CTU2: variants seen among roughly 807,000 people sequenced by gnomAD.
The protein encoded by CTU2 is cytoplasmic tRNA 2-thiolation protein 2.
Under a neutral mutation model 64.1 loss-of-function variants are expected in CTU2, and 80 were observed. The observed-to-expected ratio is 1.25, with a 90% confidence interval of 1.04 to 1.50. The LOEUF (loss-of-function observed/expected upper bound fraction) is 1.50, where lower values mean the gene tolerates loss of function less well. Ranked by LOEUF, CTU2 falls within the 40% of genes most tolerant of loss-of-function variation. CTU2 has a pLI of 0.00. For synonymous variants in CTU2, 482 were observed against 285.3 expected, an observed-to-expected ratio of 1.69 and a Z score of -6.95; for missense variants, 1,110 against 690.2, an observed-to-expected ratio of 1.61 and a Z score of -6.81.
At position 88,713,719 on chromosome 16, in the gene CTU2, G is replaced by T; in HGVS notation, c.946G>T (p.Ala316Ser). The T allele has an allele frequency of 2.5e-6, 4 of 1,612,674 alleles. No individual in the cohort carries two copies. The highest frequency in any genetic ancestry group is 3.4e-6 in the Non-Finnish European group (4 of 1,179,882). The change falls in exon 9 of 15, where the codon GCT (alanine) becomes TCT (serine). Residue 316 changes from alanine to serine, a missense_variant. By Grantham distance (99) the Ala-to-Ser change is moderately conservative. Coordinates refer to ENST00000453996, the MANE Select transcript of CTU2 (RefSeq NM_001012759.3). ...GCGGGACCACACCCTGAAGGAGGTC[G>T]CTTTCTACAACCGCCTGTTCTCCGT... Reference protein sequence around the residue: ...PMRDHTLKEVAFYNRLFSVPS... With the variant: ...PMRDHTLKEVSFYNRLFSVPS...
Position 88,715,301 on chromosome 16 carries a change from C to G in CTU2, c.*50C>G, listed in dbSNP as rs749871444. On this transcript the variant is annotated 3_prime_UTR_variant, in exon 15 of 15. Coordinates refer to ENST00000453996, the MANE Select transcript of CTU2 (RefSeq NM_001012759.3). ...AGCAGGCAGTGGCCACCTGGTACACCACACTGGAGCCGGAAGGCAAGGACG... is the reference window on the plus strand; with the variant it reads ...AGCAGGCAGTGGCCACCTGGTACACGACACTGGAGCCGGAAGGCAAGGACG... 1.3e-6 allele frequency: 2 copies of G among 1,581,076 alleles called. No homozygotes were observed. Among genetic ancestry groups the G allele is most frequent in the Non-Finnish European group, 1.7e-6 (2 of 1,161,662 alleles).
At chr16:88,713,510 C>T (rs1249824508) in intron 8 of CTU2, 63 bp downstream of exon 8, 5 of 1,542,842 alleles carry the variant, frequency 3.2e-6, no homozygotes, top group East Asian at 2.3e-5. Flanking sequence ...GCCACCTTTA[C>T]TGGAGAGTAG....
At position 88,706,612 on chromosome 16, in the gene CTU2, G is replaced by A. The variant is rs1189797880; in HGVS notation, c.68+14G>A. ...GCCGCGGCCCAGGTAAGAGCTGGCG[G>A]CCGGACCCGCCAGGCCGCCCCTCGC... On this transcript the variant is annotated intron_variant, in intron 1 of 14. Transcript: ENST00000453996. 1.4e-6 allele frequency: 2 copies of A among 1,398,454 alleles called. No homozygotes were observed. Among genetic ancestry groups the A allele is most frequent in the Non-Finnish European group, 1.8e-6 (2 of 1,083,914 alleles). The allele number at this position is 1,398,454 out of a possible 1,614,324, so 86.6% of individuals were successfully genotyped here.
intron 2 of CTU2, 27 bp downstream of exon 2, chr16:88,707,237 T>C: frequency 1.2e-6 from 2 of 1,603,386 alleles, no homozygotes; most frequent in South Asian, 2.2e-5. Flanking sequence ...GCTGAGACCC[T>C]GGCAAACATG....
At chr16:88,707,260 G>A (rs1910945620) in intron 2 of CTU2, 50 bp downstream of exon 2, 1 of 1,537,782 alleles carries the variant, frequency 6.5e-7, no homozygotes, top group Non-Finnish European at 9.0e-7. Context: ...CTCGCTAGCA[G>A]ACAGGATAGC....
At chr16:88,708,796 G>A (rs1300837872) in intron 2 of CTU2, among the ~76,000 whole-genome samples, 1 of 152,118 alleles carries the variant, frequency 6.6e-6, no homozygotes, top group South Asian at 2.1e-4. Context: ...GGCATTGTCC[G>A]CTCTGTACCG....
In CTU2 at chr16:88,711,543, T is replaced by C. The variant is rs1049518429; in HGVS notation, c.283-92T>C. On this transcript the variant is annotated intron_variant, in intron 4 of 14. Coordinates refer to ENST00000453996, the MANE Select transcript of CTU2 (RefSeq NM_001012759.3). Reference sequence around the variant, plus strand: ...GGGAAGACCACTTCACCTTCCAAGATGGCATTAAATCCAGATGAAGAATGT... The same window carrying C: ...GGGAAGACCACTTCACCTTCCAAGACGGCATTAAATCCAGATGAAGAATGT... 8 of 1,257,994 alleles carry C rather than the reference T, an allele frequency of 6.4e-6. No homozygotes were observed. In the Admixed American group the frequency reaches 6.8e-5, roughly 11 times the overall value. The allele number at this position is 1,257,994 out of a possible 1,614,324, so 77.9% of individuals were successfully genotyped here.
At position 88,713,702 on chromosome 16, in the gene CTU2, A is replaced by T; in HGVS notation, c.929A>T (p.His310Leu). ...GTGGTGGTGCGGCCCATGCGGGACCACACCCTGAAGGAGGTCGCTTTCTAC... is the reference window on the plus strand; with the variant it reads ...GTGGTGGTGCGGCCCATGCGGGACCTCACCCTGAAGGAGGTCGCTTTCTAC... ...DVVVVRPMRD[H>L]TLKEVAFYNR... Residue 310 changes from histidine (H) to leucine (L), a missense_variant, in exon 9 of 15, where the codon CAC (histidine) becomes CTC (leucine). Coordinates refer to ENST00000453996, the MANE Select transcript of CTU2 (RefSeq NM_001012759.3). The T allele has an allele frequency of 6.2e-7, 1 of 1,612,620 alleles. No individual in the cohort carries two copies. The highest frequency in any genetic ancestry group is 8.5e-7 in the Non-Finnish European group (1 of 1,179,892).
At chr16:88,709,183 G>A (rs1911128258) in intron 2 of CTU2, 1 of 152,286 alleles carries the variant, frequency 6.6e-6, no homozygotes, top group Non-Finnish European at 1.5e-5. Context: ...CTGGGTGGCT[G>A]AGGCAGAAGG....
chr16:88,712,567 T>TG (rs1911419011), intron 6 of CTU2, 55 bp from the exon 7 acceptor site: 11 of 1,579,326 alleles, frequency 7.0e-6, no homozygotes, highest in Non-Finnish European at 8.6e-6. Flanking sequence ...GGGCTGTCTG[T>TG]GGGGGGCACC....
intron 7 of CTU2, 28 bp from the exon 8 acceptor site, chr16:88,713,284 C>T (rs749868980): frequency 1.3e-5 from 21 of 1,580,602 alleles, no homozygotes; most frequent in Admixed American, 1.8e-5. Flanking sequence ...CTGCACCCCC[C>T]AGGCCCCTGA....
At chr16:88,713,870 C>T in intron 9 of CTU2, 92 bp downstream of exon 9, 5 of 1,524,924 alleles carry the variant, frequency 3.3e-6, no homozygotes, top group South Asian at 1.2e-5. Context: ...AGGTCACCAG[C>T]ACACCTTCAG....
Position 88,714,669 on chromosome 16 carries a change from A to G in CTU2, c.1284A>G (p.Thr428=), listed in dbSNP as rs764499684. The G allele has an allele frequency of 1.2e-6, 2 of 1,611,686 alleles. No homozygotes were observed. Among genetic ancestry groups the G allele is most frequent in the Non-Finnish European group, 8.5e-7 (1 of 1,179,640 alleles). ...QSPIPLTETR[T]PPGPCCSPGV... ...CCATCCCCCTGACTGAGACCCGGAC[A>G]CCCCCGGGGCCCTGCTGTTCTCCAG... is the stretch of plus-strand genomic sequence containing the variant. Residue 428 remains threonine (T), a synonymous_variant, in exon 12 of 15, where the codon ACA becomes ACG. Coordinates refer to ENST00000453996, the MANE Select transcript of CTU2 (RefSeq NM_001012759.3).
intron 2 of CTU2, 121 bp downstream of exon 2, chr16:88,707,331 C>T: frequency 1.1e-6 from 1 of 922,996 alleles, no homozygotes. Flanking sequence ...ATTCCTGCTC[C>T]TGATGGGGTC....
chr16:88,707,311 T>A (rs1910950137), intron 2 of CTU2, 101 bp downstream of exon 2: 1 of 1,109,526 alleles, frequency 9.0e-7, no homozygotes, highest in Non-Finnish European at 1.4e-6. Context: ...TAAAAACATG[T>A]ACTTACTTTA....
At chr16:88,714,971 G>A in intron 13 of CTU2, 45 bp downstream of exon 13, 1 of 1,589,120 alleles carries the variant, frequency 6.3e-7, no homozygotes, top group East Asian at 2.4e-5. Context: ...GGGGACGCGG[G>A]AAGGCCGTCA....
chr16:88,709,296 C>T (rs546861002), intron 2 of CTU2: 7 of 152,486 alleles, frequency 4.6e-5, no homozygotes, highest in African/African-American at 1.7e-4. Context: ...AAATGCAGTT[C>T]CCAGGCCTGG....
intron 5 of CTU2, chr16:88,711,979 G>T (rs1567648335): frequency 3.3e-6 from 2 of 611,646 alleles, no homozygotes; most frequent in Admixed American, 2.8e-5. Flanking sequence ...CCATCACGGG[G>T]TCTGGGGACA....
At chr16:88,714,072 A>G in intron 9 of CTU2, 64 bp from the exon 10 acceptor site, 1 of 1,486,508 alleles carries the variant, frequency 6.7e-7, no homozygotes, top group South Asian at 1.1e-5. Context: ...TGTCCTGGGG[A>G]CTCTGCCCCA....
Sources: gnomAD v4.1 joint callset for allele counts (sites outside exome capture counted in the v4.1 genomes callset) on GRCh38, gnomAD v4.1.1 for gene constraint, MANE v1.5 for transcripts, NCBI Gene and HGNC (gene_info 2026-07-23, HGNC 2026-07-21) for gene names.